SOX6: variants seen among roughly 807,000 people sequenced by gnomAD.
The protein encoded by SOX6 is transcription factor SOX-6.
Under a neutral mutation model 97.8 loss-of-function variants are expected in SOX6, and 11 were observed. The ratio of observed to expected loss-of-function variants is 0.11; its 90% confidence interval spans 0.07 to 0.19. SOX6 has a LOEUF of 0.19. Ranked by LOEUF, SOX6 falls within the 10% of genes least tolerant of loss-of-function variation. The pLI is 1.00. For synonymous variants in SOX6, 360 were observed against 371.4 expected (o/e 0.97, Z 0.35); for missense variants, 810 against 1,039.5 (o/e 0.78, Z 3.04).
chr11:15,988,895 A>T (rs927815866), intron 14 of SOX6, 102 bp downstream of exon 14: 11 of 1,215,200 alleles, frequency 9.1e-6, no homozygotes, highest in Non-Finnish European at 1.3e-5. Context: ...CGCCCGCCAC[A>T]ATCTCCCTTA....
intron 13 of SOX6, among the ~76,000 whole-genome samples, chr11:16,005,706 C>A (rs978454668): frequency 6.6e-6 from 1 of 151,918 alleles, no homozygotes; most frequent in Non-Finnish European, 1.5e-5. Context: ...TACATTGATA[C>A]CAGTAAGCTT....
At chr11:16,016,889 A>G (rs2133865166) in intron 12 of SOX6, among the ~76,000 whole-genome samples, 1 of 152,176 alleles carries the variant, frequency 6.6e-6, no homozygotes, top group Non-Finnish European at 1.5e-5. Flanking sequence ...TTTTCATAGG[A>G]GGAAAAACAA....
chr11:16,536,815 G>T (rs1861315738), intron 4 of SOX6, among the ~76,000 whole-genome samples: 1 of 152,210 alleles, frequency 6.6e-6, no homozygotes, highest in African/African-American at 2.4e-5. Context: ...AAACTGGGCG[G>T]AGCCCACCAC....
At chr11:16,245,955 T>A (rs1163772792) in intron 3 of SOX6, among the ~76,000 whole-genome samples, 1 of 151,448 alleles carries the variant, frequency 6.6e-6, no homozygotes, top group African/African-American at 2.4e-5. Context: ...AAGTCTACCA[T>A]CTTGCTATTT....
intron 1 of SOX6, among the ~76,000 whole-genome samples, chr11:16,364,272 G>GA (rs1004169963): frequency 2.0e-4 from 30 of 151,888 alleles, no homozygotes; most frequent in African/African-American, 7.2e-4. Flanking sequence ...TCTTTTACCA[G>GA]AAAAAAATGT....
At chr11:16,604,543 G>C (rs995492541) in intron 4 of SOX6, among the ~76,000 whole-genome samples, 5 of 152,202 alleles carry the variant, frequency 3.3e-5, no homozygotes, top group Admixed American at 3.3e-4. Context: ...CGGCGCCCGG[G>C]ACGCGGACGT....
rs115977930 is a variant in SOX6, at chr11:16,621,560, C to A, written n.430-9300G>T. On this transcript the variant is annotated intron_variant and non_coding_transcript_variant, in intron 3 of 5. Transcript: ENST00000524520. ...ATAAAGATGAGCTAGAGTATTAGAT[C>A]GTCTTAAAAGTATAGTTTTGTATTC... is the stretch of plus-strand genomic sequence containing the variant. 3.1e-3 allele frequency among the ~76,000 whole-genome samples: 475 copies of A among 152,194 alleles called. 4 individuals are homozygous for A. Among genetic ancestry groups the A allele is most frequent in the African/African-American group, 0.011 (448 of 41,550 alleles).
chr11:16,688,853 A>C (rs1847989426), intron 3 of SOX6, among the ~76,000 whole-genome samples: 1 of 152,198 alleles, frequency 6.6e-6, no homozygotes, highest in Admixed American at 6.5e-5. Context: ...ATGTTTTTGT[A>C]TTCCTATGAA....
At chr11:16,514,738 T>C (rs1015358214) in intron 4 of SOX6, among the ~76,000 whole-genome samples, 25 of 132,466 alleles carry the variant, frequency 1.9e-4, no homozygotes, top group African/African-American at 7.2e-4. Flanking sequence ...GATGTTTCCC[T>C]TCCTGTGTCC....
At chr11:16,153,960 T>C (rs527351813) in intron 6 of SOX6, among the ~76,000 whole-genome samples, 5 of 152,200 alleles carry the variant, frequency 3.3e-5, no homozygotes, top group Non-Finnish European at 7.3e-5. Flanking sequence ...TCTACTTTTC[T>C]GAAAACAAAA....
intron 3 of SOX6, among the ~76,000 whole-genome samples, chr11:16,306,323 C>A (rs893205870): frequency 5.3e-5 from 8 of 152,082 alleles, no homozygotes; most frequent in Non-Finnish European, 1.0e-4. Flanking sequence ...GAGCAAACAG[C>A]ATAATTAGGA....
intron 2 of SOX6, among the ~76,000 whole-genome samples, chr11:16,324,341 A>G (rs1856009896): frequency 6.6e-6 from 1 of 152,216 alleles, no homozygotes; most frequent in Non-Finnish European, 1.5e-5. Flanking sequence ...CAACACAGCC[A>G]TTAAAAACAA....
chr11:16,678,997 G>A (rs1006038777), intron 3 of SOX6, among the ~76,000 whole-genome samples: 3 of 152,204 alleles, frequency 2.0e-5, no homozygotes, highest in Non-Finnish European at 4.4e-5. Flanking sequence ...GCTCAGCAAG[G>A]CCCACTGCCT....
chr11:16,111,333 A>G (rs561978971), intron 7 of SOX6, among the ~76,000 whole-genome samples: 1 of 152,358 alleles, frequency 6.6e-6, no homozygotes, highest in South Asian at 2.1e-4. Flanking sequence ...TTTAGATGAA[A>G]ATCAAAAACA....
upstream of SOX6, among the ~76,000 whole-genome samples, chr11:16,357,238 A>G (rs1857098743): frequency 6.6e-6 from 1 of 152,162 alleles, no homozygotes; most frequent in African/African-American, 2.4e-5. Context: ...TCTCCAAAGT[A>G]TCTTAATTCC....
At chr11:16,118,940 T>A (rs1849420946) in intron 6 of SOX6, among the ~76,000 whole-genome samples, 1 of 152,106 alleles carries the variant, frequency 6.6e-6, no homozygotes. Context: ...GTTTCCAATG[T>A]GTGTATACCA....
At chr11:16,524,024 T>C (rs1861115319) in intron 4 of SOX6, among the ~76,000 whole-genome samples, 1 of 152,104 alleles carries the variant, frequency 6.6e-6, no homozygotes, top group Non-Finnish European at 1.5e-5. Flanking sequence ...ACCAGATGGA[T>C]TCACAGCTGA....
At chr11:16,143,527 A>G (rs1850206336) in intron 6 of SOX6, among the ~76,000 whole-genome samples, 1 of 152,224 alleles carries the variant, frequency 6.6e-6, no homozygotes, top group South Asian at 2.1e-4. Context: ...TAAATGGGCT[A>G]AAAGCTCCAA....
intron 6 of SOX6, among the ~76,000 whole-genome samples, chr11:16,128,291 A>C (rs931061026): frequency 1.3e-5 from 2 of 152,234 alleles, no homozygotes. Context: ...ATACATTCAC[A>C]TAAAAATGTA....
Sources: gnomAD v4.1 joint callset for allele counts (sites outside exome capture counted in the v4.1 genomes callset) on GRCh38, gnomAD v4.1.1 for gene constraint, MANE v1.5 for transcripts, NCBI Gene and HGNC (gene_info 2026-07-23, HGNC 2026-07-21) for gene names.